PSD3: variants seen among roughly 807,000 people sequenced by gnomAD.
PSD3 encodes the protein PH and SEC7 domain-containing protein 3.
Under a neutral mutation model 105.5 loss-of-function variants are expected in PSD3, and 49 were observed. The ratio of observed to expected loss-of-function variants is 0.46; its 90% CI spans 0.37 to 0.59. PSD3 has a LOEUF of 0.59. Among genes scored for constraint, PSD3 ranks in the 20% least tolerant of loss-of-function variants. PSD3 has a pLI of 0.00. For missense variants in PSD3, 1,561 were observed against 1,263.8 expected (o/e 1.24, Z -3.57); for synonymous variants, 557 against 457.8 (o/e 1.22, Z -2.77).
At chr8:18,614,158 G>C (rs1805479992) in intron 11 of PSD3, among the ~76,000 whole-genome samples, 2 of 152,140 alleles carry the variant, frequency 1.3e-5, no homozygotes, top group African/African-American at 4.8e-5. Context: ...CTGCAACATA[G>C]GACGTGTATG....
chr8:18,577,658 GTCTT>G (rs1306525899), intron 12 of PSD3, among the ~76,000 whole-genome samples: 1 of 151,978 alleles, frequency 6.6e-6, no homozygotes, highest in African/African-American at 2.4e-5. Flanking sequence ...ATTTAAAAGA[GTCTT>G]TCTTTTACGA....
chr8:18,958,659 T>C (rs959236343), intron 1 of PSD3, among the ~76,000 whole-genome samples: 1 of 152,122 alleles, frequency 6.6e-6, no homozygotes, highest in African/African-American at 2.4e-5. Context: ...TAGAACTCAA[T>C]CAATATAATT....
intron 10 of PSD3, among the ~76,000 whole-genome samples, chr8:18,649,748 G>A (rs1176682397): frequency 1.3e-5 from 2 of 152,224 alleles, no homozygotes; most frequent in African/African-American, 4.8e-5. Context: ...TAAGTGATTG[G>A]ATCATGGGGG....
At chr8:18,622,236 T>A (rs925878061) in intron 11 of PSD3, among the ~76,000 whole-genome samples, 2 of 152,380 alleles carry the variant, frequency 1.3e-5, no homozygotes, top group South Asian at 2.1e-4. Flanking sequence ...GTGATTAAAA[T>A]ATTTTAAAAT....
Position 18,850,831 on chromosome 8 carries a change from A to G in PSD3, c.1634+16843T>C, listed in dbSNP as rs118039738. Reference sequence around the variant, plus strand: ...ACCAACAGAGGTTCCCCTGCTAAAAAGCAGGGCCTCAATAAAGGACCAGCT... The same window carrying G: ...ACCAACAGAGGTTCCCCTGCTAAAAGGCAGGGCCTCAATAAAGGACCAGCT... On this transcript the variant is annotated intron_variant, in intron 4 of 15. Coordinates refer to ENST00000327040, the MANE Select transcript of PSD3 (RefSeq NM_015310.4). Among the ~76,000 whole-genome samples, 1,376 of 152,284 alleles carry G rather than the reference A, an allele frequency of 9.0e-3. 9 individuals are homozygous for G. The highest frequency in any genetic ancestry group is 0.014 in the Non-Finnish European group (940 of 68,026).
intron 1 of PSD3, among the ~76,000 whole-genome samples, chr8:19,067,177 C>T (rs142733528): frequency 6.2e-4 from 94 of 152,282 alleles, no homozygotes; most frequent in Admixed American, 1.4e-3. Flanking sequence ...CAGTATTGTG[C>T]TGTGCCTTCG....
At position 18,905,387 on chromosome 8, in the gene PSD3, G is replaced by A. The variant is rs535666854; in HGVS notation, c.130+30647C>T. On this transcript the variant is annotated intron_variant, in intron 2 of 15. Coordinates refer to ENST00000327040, the MANE Select transcript of PSD3 (RefSeq NM_015310.4). ...TGCCCAGGCTGGAGTGCAGTGGCGC[G>A]ATCTCAGCTCACTGTAACCTCCACC... Among the ~76,000 whole-genome samples the A allele has an allele frequency of 4.6e-5, 7 of 152,200 alleles. No individual in the cohort carries two copies. The South Asian group carries it at 8.3e-4, about 18-fold the overall frequency.
intron 2 of PSD3, among the ~76,000 whole-genome samples, chr8:18,916,845 T>C (rs987799571): frequency 6.6e-6 from 1 of 152,034 alleles, no homozygotes; most frequent in African/African-American, 2.4e-5. Context: ...CATAAATCTA[T>C]ATAATTTTTG....
At chr8:18,650,668 G>A (rs1250123753) in intron 10 of PSD3, among the ~76,000 whole-genome samples, 1 of 152,204 alleles carries the variant, frequency 6.6e-6, no homozygotes, top group Non-Finnish European at 1.5e-5. Flanking sequence ...ACAGCACTGG[G>A]CCAGGCACAG....
intron 1 of PSD3, among the ~76,000 whole-genome samples, chr8:18,991,724 G>T (rs573870558): frequency 9.4e-4 from 143 of 152,248 alleles, no homozygotes; most frequent in Middle Eastern, 3.4e-3. Context: ...AAGACATTTT[G>T]TCTGAGCTCT....
intron 9 of PSD3, among the ~76,000 whole-genome samples, chr8:18,710,268 G>T (rs1025149853): frequency 6.6e-6 from 1 of 152,030 alleles, no homozygotes; most frequent in South Asian, 2.1e-4. Context: ...TGTTGCTGAA[G>T]TAAGACAGGC....
At chr8:19,026,378 G>T (rs1175829235) in intron 1 of PSD3, among the ~76,000 whole-genome samples, 1 of 151,314 alleles carries the variant, frequency 6.6e-6, no homozygotes, top group African/African-American at 2.4e-5. Flanking sequence ...ACTCTCAGAG[G>T]TTTTTTTTTG....
intron 12 of PSD3, among the ~76,000 whole-genome samples, chr8:18,581,658 T>C (rs978169392): frequency 6.6e-6 from 1 of 152,212 alleles, no homozygotes; most frequent in Admixed American, 6.5e-5. Flanking sequence ...ACCTATACAC[T>C]TGGTTTACAT....
chr8:18,920,026 AAAAAAC>A lies in PSD3; in HGVS notation c.130+16002_130+16007del, dbSNP rs529431024. On this transcript the variant is annotated intron_variant, in intron 2 of 15. Coordinates refer to ENST00000327040, the MANE Select transcript of PSD3 (RefSeq NM_015310.4). ...AAAAAAATAAATAAATTAAAAAAAA[AAAAAAC>A]AATCACAAAAAAAAAAAAGTTTCAT... Among the ~76,000 whole-genome samples the A allele has an allele frequency of 5.5e-4, 82 of 148,708 alleles. 2 individuals are homozygous for A. The South Asian group carries it at 0.017, about 30-fold the overall frequency.
chr8:18,904,941 G>C (rs1819742595), intron 2 of PSD3, among the ~76,000 whole-genome samples: 1 of 152,102 alleles, frequency 6.6e-6, no homozygotes, highest in South Asian at 2.1e-4. Flanking sequence ...TTTGCAATCT[G>C]GCTACTAACT....
intron 9 of PSD3, among the ~76,000 whole-genome samples, chr8:18,676,162 T>C (rs1024928316): frequency 3.9e-5 from 6 of 152,198 alleles, no homozygotes; most frequent in African/African-American, 1.4e-4. Context: ...CTGAAAAGGA[T>C]ATTACACTAA....
chr8:18,730,998 C>A (rs1803705448), intron 9 of PSD3, among the ~76,000 whole-genome samples: 1 of 151,922 alleles, frequency 6.6e-6, no homozygotes, highest in African/African-American at 2.4e-5. Flanking sequence ...AAAGTCATTC[C>A]AATCTGTCCT....
At chr8:18,839,445 G>A (rs557453720) in intron 4 of PSD3, among the ~76,000 whole-genome samples, 4 of 152,176 alleles carry the variant, frequency 2.6e-5, no homozygotes, top group South Asian at 4.2e-4. Context: ...CATCTCTTGC[G>A]ACATGAGAAC....
rs1799802945 is a variant in PSD3, at chr8:18,535,555, C to G, written c.*188G>C. The G allele has an allele frequency of 5.0e-6, 3 of 595,606 alleles. No individual in the cohort carries two copies. Among genetic ancestry groups the G allele is most frequent in the African/African-American group, 1.9e-5 (1 of 53,876 alleles). 36.9% of individuals were successfully genotyped at this position (595,606 alleles called of 1,614,324 possible). A position where few individuals can be genotyped will look rare whatever the true frequency, so the allele number is the denominator to read the frequency against. On this transcript the variant is annotated 3_prime_UTR_variant, in exon 16 of 16. Transcript: ENST00000327040. The stretch of plus-strand genomic sequence containing the variant: ...TTAGCTATCAAGTTGCAAAAATCAT[C>G]AAAGCAAAAGAAATCAAGAGCAAAG...
Sources: allele counts gnomAD v4.1 joint callset (sites outside exome capture counted in the v4.1 genomes callset), GRCh38; gene constraint gnomAD v4.1.1; transcripts MANE v1.5; gene names NCBI Gene and HGNC (gene_info 2026-07-23, HGNC 2026-07-21).